Variants in UBE2Q2 observed in about 807,000 individuals in gnomAD.
The protein encoded by UBE2Q2 is ubiquitin conjugating enzyme E2 Q2.
In UBE2Q2, 54 loss-of-function variants were observed where a neutral mutation model predicts 59.9. The ratio of observed to expected loss-of-function variants is 0.90; its 90% CI spans 0.72 to 1.13. UBE2Q2 has a LOEUF of 1.13. Among genes scored for constraint, UBE2Q2 ranks in the 50% most tolerant of loss-of-function variants. The pLI is 0.00. For synonymous variants in UBE2Q2, 165 were observed against 155.2 expected (o/e 1.06, Z -0.47); for missense variants, 433 against 441.9 (o/e 0.98, Z 0.18).
At chr15:75,848,837 G>C (rs1199119264) in intron 1 of UBE2Q2, among the ~76,000 whole-genome samples, 3 of 152,082 alleles carry the variant, frequency 2.0e-5, no homozygotes, top group Non-Finnish European at 4.4e-5. Context: ...CAGATCCTTT[G>C]TAACAGTGTT....
chr15:75,865,301 C>T (rs142627953), intron 3 of UBE2Q2, among the ~76,000 whole-genome samples: 2 of 152,228 alleles, frequency 1.3e-5, no homozygotes, highest in African/African-American at 4.8e-5. Flanking sequence ...TGTATTTTTT[C>T]GTACCTTTGT....
At chr15:75,859,486 GTGTC>G (rs1897101455) in intron 2 of UBE2Q2, among the ~76,000 whole-genome samples, 1 of 152,154 alleles carries the variant, frequency 6.6e-6, no homozygotes, top group African/African-American at 2.4e-5. Flanking sequence ...CTGCCTGTGT[GTGTC>G]TGGGTTATTT....
chr15:75,865,603 A>G (rs887632747), intron 3 of UBE2Q2, among the ~76,000 whole-genome samples: 1 of 152,166 alleles, frequency 6.6e-6, no homozygotes, highest in East Asian at 1.9e-4. Flanking sequence ...CTTTTTAAAA[A>G]GCATTTTCAG....
intron 1 of UBE2Q2, chr15:75,844,632 TTA>T: frequency 3.5e-6 from 3 of 864,362 alleles, no homozygotes; most frequent in Non-Finnish European, 5.1e-6. Flanking sequence ...AACTCACTCA[TTA>T]AGCGGAAATC....
At chr15:75,871,452 A>G (rs1027612481) in intron 4 of UBE2Q2, among the ~76,000 whole-genome samples, 3 of 152,218 alleles carry the variant, frequency 2.0e-5, no homozygotes, top group Non-Finnish European at 4.4e-5. Flanking sequence ...CCACGAGGCC[A>G]TATTTCAGAC....
chr15:75,866,930 TACTTG>T (rs987392990), intron 3 of UBE2Q2, among the ~76,000 whole-genome samples: 5 of 152,246 alleles, frequency 3.3e-5, no homozygotes, highest in Admixed American at 6.5e-5. Flanking sequence ...CAATTGTGCT[TACTTG>T]ACTTGGCACT....
intron 9 of UBE2Q2, among the ~76,000 whole-genome samples, chr15:75,887,429 G>A (rs1237235962): frequency 1.3e-5 from 2 of 152,148 alleles, no homozygotes; most frequent in African/African-American, 4.8e-5. Context: ...ATCTAGGAAA[G>A]AGAATGAGAT....
chr15:75,876,122 T>C, intron 5 of UBE2Q2, 65 bp from the exon 6 acceptor site: 1 of 1,465,746 alleles, frequency 6.8e-7, no homozygotes. Flanking sequence ...ATCTTTTAGA[T>C]CAGGTTGAAA....
At chr15:75,883,445 A>T (rs1898560387) in intron 9 of UBE2Q2, 21 bp downstream of exon 9, 1 of 1,597,710 alleles carries the variant, frequency 6.3e-7, no homozygotes, top group Non-Finnish European at 8.5e-7. Flanking sequence ...GTGACTACTT[A>T]AAAAGAAATT....
intron 3 of UBE2Q2, among the ~76,000 whole-genome samples, chr15:75,866,470 G>GA (rs761776757): frequency 2.1e-4 from 32 of 152,254 alleles, no homozygotes; most frequent in Non-Finnish European, 2.6e-4. Context: ...ACCGTGTCCG[G>GA]CCTTCAGTAT....
Position 75,883,414 on chromosome 15 carries a change from C to A in UBE2Q2, c.874C>A (p.Leu292Ile). The change falls in exon 9 of 13, where the codon CTC becomes ATC. Residue 292 changes from leucine (L) to isoleucine (I), a missense_variant. Leu to Ile is a conservative substitution (Grantham distance 5). Coordinates refer to ENST00000267938, the MANE Select transcript of UBE2Q2 (RefSeq NM_173469.4). The part of the protein sequence containing the change: ...PPFVRVVLPV[L>I]SGGYVLGGGA... ...ATTTGTTCGAGTGGTGTTACCTGTT[C>A]TCTCAGGAGGGTAAGTTTAAGTGAC... 1 of 1,611,958 alleles carries A rather than the reference C, an allele frequency of 6.2e-7. No individual in the cohort carries two copies.
intron 5 of UBE2Q2, among the ~76,000 whole-genome samples, chr15:75,874,800 C>A (rs1312016080): frequency 1.3e-5 from 2 of 152,098 alleles, no homozygotes; most frequent in Non-Finnish European, 2.9e-5. Flanking sequence ...TGTCTGAACA[C>A]TTACTACTTT....
intron 8 of UBE2Q2, among the ~76,000 whole-genome samples, chr15:75,879,593 C>G (rs1898283958): frequency 6.6e-6 from 1 of 152,114 alleles, no homozygotes; most frequent in Non-Finnish European, 1.5e-5. Context: ...GGCATGCATT[C>G]TTAGTGGAGG....
intron 9 of UBE2Q2, among the ~76,000 whole-genome samples, chr15:75,885,866 A>G (rs1898734737): frequency 6.6e-6 from 1 of 152,256 alleles, no homozygotes; most frequent in Non-Finnish European, 1.5e-5. Flanking sequence ...TAAAATTGCT[A>G]TAAAAAGTAC....
chr15:75,898,907 A>C (rs1222568881), intron 12 of UBE2Q2, among the ~76,000 whole-genome samples: 1 of 152,140 alleles, frequency 6.6e-6, no homozygotes, highest in Non-Finnish European at 1.5e-5. Context: ...TATTCATAGA[A>C]AATAACTTTC....
rs1898074272 is a variant in UBE2Q2, at chr15:75,876,256, CAG to C, written c.661_662del (p.Ser221LeufsTer2). On this transcript the variant is annotated frameshift_variant, in exon 6 of 13. Transcript: ENST00000267938. LOFTEE classifies it high-confidence loss of function. ...AGAGCTCAGGGACATATACAGATCA[CAG>C]AGTTATAAAACAGGTAAGGATCTCT... is the stretch of plus-strand genomic sequence containing the variant. Reference protein sequence around the residue: ...MKELRDIYRSQSYKTGIYSVE... With the variant: ...MKELRDIYRSXSYKTGIYSVE... 1.2e-6 allele frequency: 2 copies of C among 1,613,540 alleles called. No homozygotes were observed. Among genetic ancestry groups the C allele is most frequent in the Admixed American group, 1.7e-5 (1 of 59,974 alleles).
intron 10 of UBE2Q2, 53 bp downstream of exon 10, chr15:75,890,536 TGTAAA>T (rs1184086082): frequency 1.3e-6 from 2 of 1,513,134 alleles, no homozygotes; most frequent in Non-Finnish European, 1.8e-6. Context: ...GTTTTGATCA[TGTAAA>T]TTAGATTGTA....
chr15:75,861,988 C>T (rs1351342408), intron 3 of UBE2Q2, among the ~76,000 whole-genome samples: 1 of 152,190 alleles, frequency 6.6e-6, no homozygotes, highest in Non-Finnish European at 1.5e-5. Flanking sequence ...CTCTGCATAG[C>T]GTCTCATCCT....
rs1275472045 is a variant in UBE2Q2 at position 75,890,845 on chromosome 15, A to G, written c.934-74A>G. On this transcript the variant is annotated intron_variant, in intron 10 of 12. Transcript: ENST00000267938. Reference sequence around the variant, plus strand: ...CTGATTTGCTGCTGTTGAGTTATATACCATTTTGTTAGGCCTTCCCAAGTG... The same window carrying G: ...CTGATTTGCTGCTGTTGAGTTATATGCCATTTTGTTAGGCCTTCCCAAGTG... 7.9e-6 allele frequency: 10 copies of G among 1,264,622 alleles called. No homozygotes were observed. The East Asian group carries it at 2.3e-4, about 29-fold the overall frequency. The allele number at this position is 1,264,622 out of a possible 1,614,324, so 78.3% of individuals were successfully genotyped here.
Sources: allele counts gnomAD v4.1 joint callset (sites outside exome capture counted in the v4.1 genomes callset), GRCh38; gene constraint gnomAD v4.1.1; transcripts MANE v1.5; gene names NCBI Gene and HGNC (gene_info 2026-07-23, HGNC 2026-07-21).